Variants in TCEA3 observed in about 807,000 individuals in gnomAD.
TCEA3 encodes transcription elongation factor A protein 3.
TCEA3 carries 36 observed loss-of-function variants against 44.0 expected under a neutral mutation model. That is an observed-to-expected ratio of 0.82 (90% CI 0.63 to 1.08). The LOEUF is 1.08. Ranked by LOEUF, TCEA3 falls within the 50% of genes least tolerant of loss-of-function variation. The pLI is 0.00. For synonymous variants in TCEA3, 162 were observed against 159.7 expected, an observed-to-expected ratio of 1.01 and a Z score of -0.11; for missense variants, 392 against 441.2, an observed-to-expected ratio of 0.89 and a Z score of 1.00.
chr1:23,402,209 G>A (rs376170409), intron 5 of TCEA3, among the ~76,000 whole-genome samples: 8 of 152,140 alleles, frequency 5.3e-5, no homozygotes, highest in Non-Finnish European at 1.0e-4. Context: ...GTATGGTGGC[G>A]CATGCCTGTA....
chr1:23,422,814 G>T (rs536474416), intron 1 of TCEA3, among the ~76,000 whole-genome samples: 1 of 152,298 alleles, frequency 6.6e-6, no homozygotes, highest in African/African-American at 2.4e-5. Flanking sequence ...GTCCAGAAAG[G>T]GAAGGTTGAG....
At chr1:23,422,450 C>A (rs115127781) in intron 1 of TCEA3, among the ~76,000 whole-genome samples, 1 of 152,144 alleles carries the variant, frequency 6.6e-6, no homozygotes, top group African/African-American at 2.4e-5. Flanking sequence ...TGTGACAAAG[C>A]CTTAAGTGGC....
intron 1 of TCEA3, chr1:23,423,945 C>A: frequency 2.2e-6 from 1 of 447,446 alleles, no homozygotes; most frequent in Non-Finnish European, 4.5e-6. Context: ...CGCGGGCCCC[C>A]GCACCTGTTC....
At chr1:23,408,241 C>G (rs1050865286) in intron 5 of TCEA3, among the ~76,000 whole-genome samples, 2 of 152,134 alleles carry the variant, frequency 1.3e-5, no homozygotes, top group African/African-American at 4.8e-5. Context: ...GGATTACAGG[C>G]ATGAGCCACT....
rs1025862058 is a variant in TCEA3, at chr1:23,381,101, G to A, written c.*365C>T. 9.5e-6 allele frequency: 2 copies of A among 210,518 alleles called. No homozygotes were observed. The highest frequency in any genetic ancestry group is 4.6e-5 in the African/African-American group (2 of 43,064). The allele number at this position is 210,518 out of a possible 1,614,324, so 13.0% of individuals were successfully genotyped here. On this transcript the variant is annotated 3_prime_UTR_variant, in exon 11 of 11. Coordinates refer to ENST00000450454, the MANE Select transcript of TCEA3 (RefSeq NM_003196.3). ...TTTCTTTATTTTTTCTTTTTATAGAGATGGGGTCTTGCTGTGTTGCCTGGG... is the reference window on the plus strand; with the variant it reads ...TTTCTTTATTTTTTCTTTTTATAGAAATGGGGTCTTGCTGTGTTGCCTGGG...
chr1:23,406,247 G>A lies in TCEA3; in HGVS notation c.443+2417C>T, dbSNP rs114077947. On this transcript the variant is annotated intron_variant, in intron 5 of 10. Transcript: ENST00000450454. ...GAGGTGTGCAATACAGCCTAGGCCC[G>A]TTGAATCTTCATAAAACCTTAAACA... is the stretch of plus-strand genomic sequence containing the variant. 9.9e-3 allele frequency among the ~76,000 whole-genome samples: 1,509 copies of A among 152,314 alleles called. 28 individuals carry two copies. The highest frequency in any genetic ancestry group is 0.034 in the African/African-American group (1,409 of 41,554).
intron 5 of TCEA3, among the ~76,000 whole-genome samples, chr1:23,398,745 C>T (rs1383338120): frequency 1.3e-5 from 2 of 152,060 alleles, no homozygotes; most frequent in East Asian, 1.9e-4. Context: ...ATTCCAACAT[C>T]TATGCTCTTT....
chr1:23,391,019 G>A (rs1271060158), intron 8 of TCEA3, among the ~76,000 whole-genome samples: 1 of 152,070 alleles, frequency 6.6e-6, no homozygotes, highest in Non-Finnish European at 1.5e-5. Flanking sequence ...TAAAAAGGGA[G>A]TCAGGGAAGG....
intron 1 of TCEA3, 144 bp from the exon 2 acceptor site, chr1:23,419,283 A>C: frequency 1.8e-6 from 1 of 558,296 alleles, no homozygotes; most frequent in Non-Finnish European, 3.1e-6. Context: ...AAGGAGAGAG[A>C]CGAGAAACAA....
chr1:23,412,386 T>G (rs1245334149), intron 4 of TCEA3, among the ~76,000 whole-genome samples: 8 of 109,156 alleles, frequency 7.3e-5, no homozygotes, highest in Admixed American at 2.0e-4. Context: ...GGCAACATGG[T>G]GAGACTCTGT....
intron 1 of TCEA3, among the ~76,000 whole-genome samples, chr1:23,424,288 C>A (rs986406454): frequency 4.6e-5 from 7 of 152,076 alleles, no homozygotes; most frequent in African/African-American, 1.7e-4. Flanking sequence ...ACTAGCTGCC[C>A]AGGGTGAACC....
intron 5 of TCEA3, among the ~76,000 whole-genome samples, chr1:23,407,093 A>G (rs1481041806): frequency 6.6e-6 from 1 of 152,190 alleles, no homozygotes; most frequent in African/African-American, 2.4e-5. Flanking sequence ...GCATAAGCAC[A>G]GTCTTCCCCA....
intron 4 of TCEA3, among the ~76,000 whole-genome samples, chr1:23,414,333 G>T (rs768432198): frequency 1.3e-5 from 2 of 151,658 alleles, no homozygotes; most frequent in African/African-American, 4.8e-5. Flanking sequence ...CTCATGATCT[G>T]CCCGCCTCAG....
chr1:23,381,475 C>G lies in TCEA3; in HGVS notation c.1039-1G>C, dbSNP rs1638670144. 6.4e-6 allele frequency: 5 copies of G among 780,880 alleles called. No individual in the cohort carries two copies. Among genetic ancestry groups the G allele is most frequent in the Non-Finnish European group, 1.2e-5 (5 of 417,992 alleles). The allele number at this position is 780,880 out of a possible 1,614,324, so 48.4% of individuals were successfully genotyped here. On this transcript the variant is annotated splice_acceptor_variant, in intron 10 of 10. Transcript: ENST00000450454. LOFTEE classifies it high-confidence loss of function. ...ATGGCTGGCTGTTCCATCAGCAGAA[C>G]TACAAAACCAGAAAGGCAACAAAAT...
At chr1:23,395,197 C>CA (rs1223422758) in intron 7 of TCEA3, among the ~76,000 whole-genome samples, 4 of 152,120 alleles carry the variant, frequency 2.6e-5, no homozygotes, top group African/African-American at 4.8e-5. Context: ...ATGTGAAAGC[C>CA]AAAAAATGTG....
intron 5 of TCEA3, among the ~76,000 whole-genome samples, chr1:23,399,144 G>GTATATATGTATATATATATATATA (rs1553167290): frequency 3.3e-5 from 2 of 61,166 alleles, no homozygotes; most frequent in Non-Finnish European, 6.3e-5. Context: ...ATGTATATAT[G>GTATATATGTATATATATATATATA]TATATATATA....
intron 10 of TCEA3, among the ~76,000 whole-genome samples, chr1:23,382,955 C>T (rs1361842034): frequency 2.0e-5 from 3 of 152,162 alleles, no homozygotes; most frequent in African/African-American, 4.8e-5. Flanking sequence ...TAATGAGGCC[C>T]CAGTAAGGGC....
In TCEA3 at chr1:23,387,270, T is replaced by C; in HGVS notation, c.966+3A>G. ...CTCCGGCCCGTCCCCTCACTGTCCT[T>C]ACCTGGTTATAGGTGCAGTTCTTCT... On this transcript the variant is annotated splice_donor_region_variant and intron_variant, in intron 9 of 10. Coordinates refer to ENST00000450454, the MANE Select transcript of TCEA3 (RefSeq NM_003196.3). The C allele has an allele frequency of 6.2e-7, 1 of 1,613,688 alleles. No homozygotes were observed. The highest frequency in any genetic ancestry group is 8.5e-7 in the Non-Finnish European group (1 of 1,179,850).
chr1:23,404,098 C>T (rs1639474513), intron 5 of TCEA3: 3 of 702,268 alleles, frequency 4.3e-6, no homozygotes, highest in Middle Eastern at 4.6e-4. Flanking sequence ...ATCTGGAGGC[C>T]GGGCCCGCTG....
Sources: gnomAD v4.1 joint callset for allele counts (sites outside exome capture counted in the v4.1 genomes callset) on GRCh38, gnomAD v4.1.1 for gene constraint, MANE v1.5 for transcripts, NCBI Gene and HGNC (gene_info 2026-07-23, HGNC 2026-07-21) for gene names.